GPC6: variants seen among roughly 807,000 people sequenced by gnomAD.
The protein encoded by GPC6 is glypican 6.
In GPC6, 14 loss-of-function variants were observed where a neutral mutation model predicts 55.2. The ratio of observed to expected loss-of-function variants is 0.25; its 90% CI spans 0.17 to 0.40. The LOEUF is 0.40. GPC6 is among the 10% of genes least tolerant of loss of function. The pLI, the probability that GPC6 is intolerant of heterozygous loss-of-function variation, is 1.00. For synonymous variants in GPC6, 278 were observed against 259.6 expected (o/e 1.07, Z -0.68); for missense variants, 641 against 708.5 (o/e 0.90, Z 1.08).
intron 3 of GPC6, among the ~76,000 whole-genome samples, chr13:94,013,255 A>T (rs1431355629): frequency 1.3e-5 from 2 of 152,068 alleles, no homozygotes; most frequent in Non-Finnish European, 2.9e-5. Flanking sequence ...TATAATTTAA[A>T]TGCTAAATTT....
chr13:93,427,653 C>A (rs1877192032), intron 1 of GPC6, among the ~76,000 whole-genome samples: 2 of 152,104 alleles, frequency 1.3e-5, no homozygotes, highest in Non-Finnish European at 2.9e-5. Context: ...TATTTCATAT[C>A]CTCTTCATCT....
intron 3 of GPC6, among the ~76,000 whole-genome samples, chr13:93,850,839 T>C (rs937336065): frequency 6.6e-5 from 10 of 151,942 alleles, no homozygotes; most frequent in Admixed American, 2.6e-4. Context: ...GAAATGCTTA[T>C]TGGGAATGAA....
chr13:93,552,462 TCCTTTCTCTGTC>T (rs1197498904), intron 2 of GPC6, among the ~76,000 whole-genome samples: 4 of 148,744 alleles, frequency 2.7e-5, no homozygotes, highest in African/African-American at 9.8e-5. Flanking sequence ...CTCCTCCTCC[TCCTTTCTCTGTC>T]TCTCTGTCTC....
intron 1 of GPC6, among the ~76,000 whole-genome samples, chr13:93,230,974 T>C (rs567223857): frequency 2.0e-5 from 3 of 152,254 alleles, no homozygotes; most frequent in Admixed American, 6.5e-5. Context: ...TCATTACTTA[T>C]GTAATGTGAC....
chr13:93,911,595 C>T (rs1190231007), intron 3 of GPC6, among the ~76,000 whole-genome samples: 1 of 152,146 alleles, frequency 6.6e-6, no homozygotes, highest in Non-Finnish European at 1.5e-5. Context: ...TGAAGGATGC[C>T]TTGCAGCTCA....
chr13:93,402,715 G>A (rs1566338298), intron 1 of GPC6, among the ~76,000 whole-genome samples: 1 of 152,252 alleles, frequency 6.6e-6, no homozygotes, highest in South Asian at 2.1e-4. Context: ...TGTGAGATGA[G>A]CCTTTCCCTC....
rs1398912938 is a variant in GPC6 at position 94,177,897 on chromosome 13, T to C, written c.878-108452T>C. On this transcript the variant is annotated intron_variant, in intron 4 of 8. Transcript: ENST00000377047. ...TCTGAATACATATTTGTCCTTAATT[T>C]TAAAAAAATACTTTTTATATTCTAT... Among the ~76,000 whole-genome samples, 3 of 152,264 alleles carry C rather than the reference T, an allele frequency of 2.0e-5. No individual in the cohort carries two copies. The East Asian group carries it at 5.8e-4, about 29-fold the overall frequency.
chr13:93,239,718 A>G (rs1168641696), intron 1 of GPC6, among the ~76,000 whole-genome samples: 2 of 151,392 alleles, frequency 1.3e-5, no homozygotes, highest in Non-Finnish European at 2.9e-5. Context: ...GAGGTGTGAC[A>G]TTGGTTGTCA....
rs569007911 is a variant in GPC6, at chr13:94,181,947, C to A, written c.878-104402C>A. Among the ~76,000 whole-genome samples the A allele has an allele frequency of 3.9e-5, 6 of 152,308 alleles. No homozygotes were observed. In the South Asian group the frequency reaches 1.2e-3, roughly 32 times the overall value. ...AGTTCTTACTTTTCTGATGAAGAAACTGAGACTCAGAGAGGTTGCATGGCT... is the reference window on the plus strand; with the variant it reads ...AGTTCTTACTTTTCTGATGAAGAAAATGAGACTCAGAGAGGTTGCATGGCT... On this transcript the variant is annotated intron_variant, in intron 4 of 8. Transcript: ENST00000377047.
At chr13:94,062,132 A>T (rs1214194152) in intron 4 of GPC6, among the ~76,000 whole-genome samples, 1 of 151,394 alleles carries the variant, frequency 6.6e-6, no homozygotes, top group Admixed American at 6.6e-5. Context: ...AGAAACTAAT[A>T]TTTTTTTTTC....
chr13:93,802,353 G>A (rs9589842), intron 2 of GPC6, among the ~76,000 whole-genome samples: 53,197 of 151,362 alleles, frequency 0.35, 10,135 homozygotes, highest in African/African-American at 0.5. Context: ...TCCCCTTCCC[G>A]AATAAAATCC....
At chr13:94,085,643 T>C (rs1385334372) in intron 4 of GPC6, among the ~76,000 whole-genome samples, 1 of 152,140 alleles carries the variant, frequency 6.6e-6, no homozygotes, top group African/African-American at 2.4e-5. Flanking sequence ...TATTTAATCC[T>C]CACAAGCCTG....
intron 5 of GPC6, among the ~76,000 whole-genome samples, chr13:94,288,813 TAATA>T (rs1216536729): frequency 2.1e-5 from 1 of 48,556 alleles, no homozygotes; most frequent in Non-Finnish European, 3.4e-5. Context: ...TTGTTATATA[TAATA>T]AATATATATA....
intron 3 of GPC6, among the ~76,000 whole-genome samples, chr13:93,959,627 A>C (rs1879675985): frequency 6.6e-6 from 1 of 152,158 alleles, no homozygotes. Context: ...TTAATGGATA[A>C]ATCTATCTCT....
chr13:94,354,087 A>G (rs1878678389), intron 6 of GPC6, among the ~76,000 whole-genome samples: 1 of 152,232 alleles, frequency 6.6e-6, no homozygotes, highest in Non-Finnish European at 1.5e-5. Context: ...CTTTGCAACA[A>G]TGAACATTTC....
rs115439221 is a variant in GPC6 at position 93,258,444 on chromosome 13, C to T, written c.160+30828C>T. Among the ~76,000 whole-genome samples, 214 of 152,190 alleles carry T rather than the reference C, an allele frequency of 1.4e-3. 1 individual carries two copies. Among genetic ancestry groups the T allele is most frequent in the African/African-American group, 5.1e-3 (211 of 41,526 alleles). On this transcript the variant is annotated intron_variant, in intron 1 of 8. Transcript: ENST00000377047. ...TACAATGGTGCCCTTTATGGATGGC[C>T]TTGGTGGTTTGATCTTGGCTGTGGT...
At chr13:93,920,647 C>T (rs1288969229) in intron 3 of GPC6, among the ~76,000 whole-genome samples, 1 of 152,146 alleles carries the variant, frequency 6.6e-6, no homozygotes, top group Non-Finnish European at 1.5e-5. Flanking sequence ...TAGTCCAAGG[C>T]CATTCTAACA....
intron 3 of GPC6, among the ~76,000 whole-genome samples, chr13:93,980,577 C>T (rs1880756085): frequency 6.6e-6 from 1 of 152,118 alleles, no homozygotes; most frequent in Non-Finnish European, 1.5e-5. Context: ...GCTTTCGATT[C>T]CCAGCCACAC....
Position 93,429,798 on chromosome 13 carries a change from C to T in GPC6, c.161-115465C>T, listed in dbSNP as rs1877286963. 2.0e-5 allele frequency among the ~76,000 whole-genome samples: 3 copies of T among 152,016 alleles called. 1 individual carries two copies. In the South Asian group the frequency reaches 6.2e-4, roughly 31 times the overall value. Reference sequence around the variant, plus strand: ...TATTGTGGACTGAGGGACAGTCTGTCCTTCATGCTCAGGTGCCTTGACCCA... The same window carrying T: ...TATTGTGGACTGAGGGACAGTCTGTTCTTCATGCTCAGGTGCCTTGACCCA... On this transcript the variant is annotated intron_variant, in intron 1 of 8. Coordinates refer to ENST00000377047, the MANE Select transcript of GPC6 (RefSeq NM_005708.5).
Sources: allele counts gnomAD v4.1 joint callset (sites outside exome capture counted in the v4.1 genomes callset), GRCh38; gene constraint gnomAD v4.1.1; transcripts MANE v1.5; gene names NCBI Gene and HGNC (gene_info 2026-07-23, HGNC 2026-07-21).